Variants in ARHGAP10 observed in about 807,000 individuals in gnomAD.
The protein encoded by ARHGAP10 is rho GTPase-activating protein 10.
In ARHGAP10, 87 loss-of-function variants were observed where a neutral mutation model predicts 108.6. That is an observed-to-expected ratio of 0.80 (90% CI 0.67 to 0.96). ARHGAP10 has a LOEUF of 0.96. Ranked by LOEUF, ARHGAP10 falls within the 40% of genes least tolerant of loss-of-function variation. The pLI, the probability that ARHGAP10 is intolerant of heterozygous loss-of-function variation, is 0.00. For synonymous variants in ARHGAP10, 347 were observed against 341.1 expected (o/e 1.02, Z -0.19); for missense variants, 939 against 954.5 (o/e 0.98, Z 0.21).
chr4:148,007,012 G>A (rs191860280), intron 18 of ARHGAP10, among the ~76,000 whole-genome samples: 4 of 152,230 alleles, frequency 2.6e-5, no homozygotes, highest in Non-Finnish European at 5.9e-5. Context: ...TTGCATAATA[G>A]GATGTAGAAA....
At chr4:148,022,061 G>C (rs928507162) in intron 18 of ARHGAP10, among the ~76,000 whole-genome samples, 1 of 152,164 alleles carries the variant, frequency 6.6e-6, no homozygotes, top group East Asian at 1.9e-4. Context: ...ATACACATAT[G>C]TAAGTGATAT....
At position 147,991,145 on chromosome 4, in the gene ARHGAP10, T is replaced by TAAA. The variant is rs575585774; in HGVS notation, c.1716+24319_1716+24321dup. Among the ~76,000 whole-genome samples the TAAA allele has an allele frequency of 5.2e-4, 67 of 129,016 alleles. 1 individual carries two copies. Among genetic ancestry groups the TAAA allele is most frequent in the East Asian group, 5.0e-3 (23 of 4,610 alleles). 84.6% of individuals were successfully genotyped at this position (129,016 alleles called of 152,430 possible). A position where few individuals can be genotyped will look rare whatever the true frequency, so the allele number is the denominator to read the frequency against. ...AAACCTGCATGTGTACCCCTGAACC[T>TAAA]AAAAAAAAAAAAAAATAAATAAAAG... is the stretch of plus-strand genomic sequence containing the variant. On this transcript the variant is annotated intron_variant, in intron 18 of 22. Coordinates refer to ENST00000336498, the MANE Select transcript of ARHGAP10 (RefSeq NM_024605.4).
At chr4:147,791,666 C>T (rs1328331115) in intron 1 of ARHGAP10, among the ~76,000 whole-genome samples, 1 of 152,074 alleles carries the variant, frequency 6.6e-6, no homozygotes, top group African/African-American at 2.4e-5. Context: ...CTCCCTGTAA[C>T]TTCCGCCTCC....
chr4:147,839,792 A>T (rs116665950), intron 3 of ARHGAP10, among the ~76,000 whole-genome samples: 2,052 of 152,322 alleles, frequency 0.013, 20 homozygotes, highest in Non-Finnish European at 0.021. Flanking sequence ...TGGAGGATAG[A>T]TTAAGATAAC....
In ARHGAP10 at chr4:147,900,315, G is replaced by A. The variant is rs1229672699; in HGVS notation, c.1035-6323G>A. Among the ~76,000 whole-genome samples, 5 of 152,220 alleles carry A rather than the reference G, an allele frequency of 3.3e-5. No individual in the cohort carries two copies. The East Asian group carries it at 9.6e-4, about 29-fold the overall frequency. On this transcript the variant is annotated intron_variant, in intron 10 of 22. Coordinates refer to ENST00000336498, the MANE Select transcript of ARHGAP10 (RefSeq NM_024605.4). The stretch of plus-strand genomic sequence containing the variant: ...TTGAGATGCTGATTTATGAATTTAA[G>A]AATTCTTTTAAAAAGAATTTATGAA...
chr4:147,883,616 G>T (rs558934115), intron 10 of ARHGAP10, among the ~76,000 whole-genome samples: 1 of 152,146 alleles, frequency 6.6e-6, no homozygotes, highest in African/African-American at 2.4e-5. Flanking sequence ...CCAAGGTCAC[G>T]TAGCTAGTGG....
chr4:147,869,226 G>T (rs1357293140), intron 7 of ARHGAP10, among the ~76,000 whole-genome samples: 1 of 152,158 alleles, frequency 6.6e-6, no homozygotes, highest in African/African-American at 2.4e-5. Flanking sequence ...TGAATGCCCT[G>T]AAGCCAGCTC....
chr4:147,769,954 G>A (rs1401179401), intron 1 of ARHGAP10, among the ~76,000 whole-genome samples: 1 of 152,164 alleles, frequency 6.6e-6, no homozygotes, highest in African/African-American at 2.4e-5. Context: ...GTGGAGTGTT[G>A]AAAGATCATT....
chr4:148,016,577 C>T (rs951232968), intron 18 of ARHGAP10, among the ~76,000 whole-genome samples: 2 of 152,136 alleles, frequency 1.3e-5, no homozygotes, highest in Non-Finnish European at 2.9e-5. Context: ...ACAATCAACA[C>T]AGAAAACCTT....
intron 1 of ARHGAP10, among the ~76,000 whole-genome samples, chr4:147,784,802 A>C (rs1730789075): frequency 1.1e-4 from 1 of 9,408 alleles, no homozygotes; most frequent in South Asian, 5.7e-3. Context: ...TATATTATAA[A>C]TATAATATAT....
At chr4:147,928,421 A>G (rs1040590122) in intron 13 of ARHGAP10, among the ~76,000 whole-genome samples, 3 of 152,198 alleles carry the variant, frequency 2.0e-5, no homozygotes, top group Admixed American at 2.0e-4. Flanking sequence ...AGACTGTGGG[A>G]ATGAGATCCT....
At position 147,843,872 on chromosome 4, in the gene ARHGAP10, C is replaced by T. The variant is rs377290627; in HGVS notation, c.313-3279C>T. Among the ~76,000 whole-genome samples the T allele has an allele frequency of 6.0e-4, 92 of 152,310 alleles. 1 individual carries two copies. In the South Asian group the frequency reaches 0.018, roughly 30 times the overall value. On this transcript the variant is annotated intron_variant, in intron 3 of 22. Coordinates refer to ENST00000336498, the MANE Select transcript of ARHGAP10 (RefSeq NM_024605.4). ...TAGCTTTCTCCAGTTTCATTGCCAT[C>T]GTTTACCTCTGTTCTTTCATTTCCT...
intron 1 of ARHGAP10, among the ~76,000 whole-genome samples, chr4:147,754,858 T>G (rs1729304243): frequency 6.6e-6 from 1 of 151,912 alleles, no homozygotes; most frequent in African/African-American, 2.4e-5. Context: ...CTTTGGGAGG[T>G]GGAGGCGGCT....
At chr4:148,002,873 T>G (rs1247109786) in intron 18 of ARHGAP10, among the ~76,000 whole-genome samples, 2 of 152,188 alleles carry the variant, frequency 1.3e-5, no homozygotes, top group South Asian at 4.1e-4. Flanking sequence ...AGCTCCTGGA[T>G]TCATTGATTT....
intron 10 of ARHGAP10, among the ~76,000 whole-genome samples, chr4:147,898,701 A>G (rs1736097289): frequency 6.6e-6 from 1 of 151,876 alleles, no homozygotes. Context: ...TGTTTGGATC[A>G]TTTCTGTCCA....
intron 10 of ARHGAP10, among the ~76,000 whole-genome samples, chr4:147,884,897 A>G (rs72957764): frequency 0.037 from 5,672 of 152,288 alleles, 353 homozygotes; most frequent in African/African-American, 0.13. Context: ...AGTGACAATT[A>G]TATTTGTATT....
At chr4:148,026,453 A>C (rs1727853242) in intron 19 of ARHGAP10, among the ~76,000 whole-genome samples, 1 of 152,120 alleles carries the variant, frequency 6.6e-6, no homozygotes, top group Non-Finnish European at 1.5e-5. Context: ...TAACTAAATA[A>C]ACCGAGTGTC....
rs181253036 is a variant in ARHGAP10, at chr4:147,786,708, G to A, written c.155-36019G>A. Reference sequence around the variant, plus strand: ...TATGGGATGGCATAGATTAGTTTTTGTGTTGGAATTTATTCAACAGTGATT... The same window carrying A: ...TATGGGATGGCATAGATTAGTTTTTATGTTGGAATTTATTCAACAGTGATT... On this transcript the variant is annotated intron_variant, in intron 1 of 22. Transcript: ENST00000336498. 7.5e-4 allele frequency among the ~76,000 whole-genome samples: 114 copies of A among 152,338 alleles called. 1 individual carries two copies. The highest frequency in any genetic ancestry group is 1.2e-4 in the Non-Finnish European group (8 of 68,034).
intron 18 of ARHGAP10, among the ~76,000 whole-genome samples, chr4:148,006,209 C>G (rs925064580): frequency 3.3e-5 from 5 of 152,206 alleles, no homozygotes; most frequent in African/African-American, 9.7e-5. Flanking sequence ...GAAGCCCATG[C>G]TCACCGTGTA....
Sources: gnomAD v4.1 joint callset for allele counts (sites outside exome capture counted in the v4.1 genomes callset) on GRCh38, gnomAD v4.1.1 for gene constraint, MANE v1.5 for transcripts, NCBI Gene and HGNC (gene_info 2026-07-23, HGNC 2026-07-21) for gene names.